MS4A1: variants seen among roughly 807,000 people sequenced by gnomAD.
MS4A1 encodes membrane spanning 4-domains A1.
A neutral mutation model predicts 26.5 loss-of-function variants in MS4A1; 16 were observed. The ratio of observed to expected loss-of-function variants is 0.60; its 90% CI spans 0.41 to 0.92. MS4A1 has a LOEUF of 0.92. Ranked by LOEUF, MS4A1 falls within the 40% of genes least tolerant of loss-of-function variation. MS4A1 has a pLI of 0.00. For missense variants in MS4A1, 350 were observed against 353.0 expected (o/e 0.99, Z 0.07); for synonymous variants, 128 against 117.6 (o/e 1.09, Z -0.57).
At position 60,468,241 on chromosome 11, in the gene MS4A1, C is replaced by A. The variant is rs752203439; in HGVS notation, c.676-9C>A. 6.3e-7 allele frequency: 1 copy of A among 1,597,266 alleles called. No individual in the cohort carries two copies. Among genetic ancestry groups the A allele is most frequent in the Non-Finnish European group, 8.6e-7 (1 of 1,166,902 alleles). On this transcript the variant is annotated splice_polypyrimidine_tract_variant and intron_variant, in intron 7 of 7. Coordinates refer to ENST00000345732, the MANE Select transcript of MS4A1 (RefSeq NM_152866.3). ...AGTAAAGAATGGTTTGTTTAATTTT[C>A]TGTTTTAGAACATAGTTCTCCTGTC...
At chr11:60,464,024 G>A (rs922470855) in intron 4 of MS4A1, 1 of 537,462 alleles carries the variant, frequency 1.9e-6, no homozygotes, top group Non-Finnish European at 3.3e-6. Flanking sequence ...CTGTCTCTTT[G>A]GTCTTACTAT....
Position 60,468,301 on chromosome 11 carries a change from A to G in MS4A1, c.727A>G (p.Lys243Glu). 6.2e-7 allele frequency: 1 copy of G among 1,613,936 alleles called. No individual in the cohort carries two copies. The highest frequency in any genetic ancestry group is 8.5e-7 in the Non-Finnish European group (1 of 1,179,910). Residue 243 changes from lysine to glutamate, a missense_variant, in exon 8 of 8, where the codon AAA becomes GAA. Physicochemically the swap from Lys to Glu is moderately conservative, Grantham distance 56. Coordinates refer to ENST00000345732, the MANE Select transcript of MS4A1 (RefSeq NM_152866.3). ...AAAAAAAGAACAGACTATTGAAATA[A>G]AAGAAGAAGTGGTTGGGCTAACTGA... is the stretch of plus-strand genomic sequence containing the variant. ...EEKKEQTIEI[K>E]EEVVGLTETS...
intron 7 of MS4A1, among the ~76,000 whole-genome samples, 153 bp from the exon 8 acceptor site, chr11:60,468,097 G>C (rs1257502342): frequency 1.3e-5 from 2 of 152,018 alleles, no homozygotes; most frequent in Non-Finnish European, 2.9e-5. Flanking sequence ...AAGGATATAA[G>C]CACCTGCAAA....
intron 3 of MS4A1, 45 bp from the exon 4 acceptor site, chr11:60,462,957 G>C: frequency 6.2e-7 from 1 of 1,610,466 alleles, no homozygotes; most frequent in Non-Finnish European, 8.5e-7. Context: ...CCTGCTAGCA[G>C]TGATGATTTC....
intron 1 of MS4A1, among the ~76,000 whole-genome samples, chr11:60,459,586 A>C (rs2086231556): frequency 6.6e-6 from 1 of 152,206 alleles, no homozygotes; most frequent in African/African-American, 2.4e-5. Flanking sequence ...TAGCTCTAGA[A>C]ATCCTACCTA....
intron 7 of MS4A1, among the ~76,000 whole-genome samples, chr11:60,467,522 C>T (rs375738630): frequency 7.9e-4 from 120 of 152,112 alleles, no homozygotes; most frequent in African/African-American, 2.7e-3. Context: ...GTGATCCTCC[C>T]ACCTCAGCCT....
At chr11:60,465,490 TC>T (rs1346360999) in intron 5 of MS4A1, among the ~76,000 whole-genome samples, 1 of 152,212 alleles carries the variant, frequency 6.6e-6, no homozygotes, top group Non-Finnish European at 1.5e-5. Flanking sequence ...CATAATACCA[TC>T]CCACTAAAGT....
At chr11:60,463,275 T>C (rs1023775636) in intron 4 of MS4A1, among the ~76,000 whole-genome samples, 154 bp downstream of exon 4, 7 of 152,198 alleles carry the variant, frequency 4.6e-5, no homozygotes, top group African/African-American at 1.2e-4. Flanking sequence ...GTTGACCAAA[T>C]TGAGTATAAA....
Position 60,462,208 on chromosome 11 carries a change from A to T in MS4A1, c.-167A>T. The T allele has an allele frequency of 1.3e-6, 1 of 772,250 alleles. No individual in the cohort carries two copies. Among genetic ancestry groups the T allele is most frequent in the Non-Finnish European group, 2.2e-6 (1 of 451,246 alleles). The allele number at this position is 772,250 out of a possible 1,614,324, so 47.8% of individuals were successfully genotyped here. A position where few individuals can be genotyped will look rare whatever the true frequency, so the allele number is the denominator to read the frequency against. ...AGAACTCAGCAGTAGGCCTTGCCTCAGATCCAAGGTCACTCGGAAGAGGCC... is the reference window on the plus strand; with the variant it reads ...AGAACTCAGCAGTAGGCCTTGCCTCTGATCCAAGGTCACTCGGAAGAGGCC... On this transcript the variant is annotated 5_prime_UTR_variant, in exon 3 of 8. Transcript: ENST00000345732.
intron 3 of MS4A1, among the ~76,000 whole-genome samples, chr11:60,462,776 T>C (rs2135197773): frequency 6.6e-6 from 1 of 152,290 alleles, no homozygotes; most frequent in African/African-American, 2.4e-5. Flanking sequence ...GGGTCCCCCA[T>C]CCCAGTCCAT....
rs1047893064 is a variant in MS4A1, at chr11:60,462,259, G to A, written c.-116G>A. ...ATGTCTACCCTCAATGACACTCATG[G>A]AGGAAATGCTGAGAGAAGCATTCAG... On this transcript the variant is annotated 5_prime_UTR_variant, in exon 3 of 8. Coordinates refer to ENST00000345732, the MANE Select transcript of MS4A1 (RefSeq NM_152866.3). The A allele has an allele frequency of 3.5e-6, 4 of 1,128,140 alleles. No individual in the cohort carries two copies. In the African/African-American group the frequency reaches 6.1e-5, roughly 17 times the overall value. 69.9% of individuals were successfully genotyped at this position (1,128,140 alleles called of 1,614,324 possible).
At chr11:60,465,760 A>G (rs2135201338) in intron 5 of MS4A1, 161 bp from the exon 6 acceptor site, 1 of 638,356 alleles carries the variant, frequency 1.6e-6, no homozygotes, top group East Asian at 2.7e-5. Flanking sequence ...ACATGATTTT[A>G]TTTTATAGTG....
chr11:60,464,714 G>A (rs555060046), intron 5 of MS4A1, among the ~76,000 whole-genome samples: 4 of 152,182 alleles, frequency 2.6e-5, no homozygotes, highest in South Asian at 4.1e-4. Context: ...TTTTTTGGCC[G>A]TAACATTGAA....
intron 4 of MS4A1, chr11:60,464,015 T>C: frequency 1.9e-6 from 1 of 525,798 alleles, no homozygotes; most frequent in East Asian, 3.3e-5. Context: ...ATTTGAGTTC[T>C]GTCTCTTTGG....
At chr11:60,459,831 G>A (rs1316788652) in intron 1 of MS4A1, among the ~76,000 whole-genome samples, 5 of 152,178 alleles carry the variant, frequency 3.3e-5, no homozygotes, top group Non-Finnish European at 7.3e-5. Context: ...CATTCACATA[G>A]TGCATATATT....
chr11:60,468,307 G>A lies in MS4A1; in HGVS notation c.733G>A (p.Glu245Lys), dbSNP rs780339737. The stretch of plus-strand genomic sequence containing the variant: ...AGAACAGACTATTGAAATAAAAGAA[G>A]AAGTGGTTGGGCTAACTGAAACATC... ...KKEQTIEIKEEVVGLTETSSQ... is the reference protein window; with the variant it reads ...KKEQTIEIKEKVVGLTETSSQ... The change falls in exon 8 of 8, where the codon GAA (glutamate) becomes AAA (lysine). Residue 245 changes from glutamate (E) to lysine (K), a missense_variant. Transcript: ENST00000345732. 8 of 1,613,796 alleles carry A rather than the reference G, an allele frequency of 5.0e-6. No homozygotes were observed. The African/African-American group carries it at 8.0e-5, about 16-fold the overall frequency.
intron 4 of MS4A1, among the ~76,000 whole-genome samples, chr11:60,463,537 T>C (rs953074292): frequency 6.6e-6 from 1 of 152,246 alleles, no homozygotes; most frequent in Admixed American, 6.5e-5. Flanking sequence ...ACCTGTCCCA[T>C]CACAAGTCAG....
At position 60,462,473 on chromosome 11, in the gene MS4A1, G is replaced by A. The variant is rs201675666; in HGVS notation, c.99G>A (p.Arg33=). ...MQSGPKPLFR[R]MSSLVGPTQS... ...CTGGTCCAAAACCACTCTTCAGGAG[G>A]ATGTCTTCACTGGTGGGCCCCACGC... Residue 33 remains arginine, a synonymous_variant, in exon 3 of 8, where the codon AGG becomes AGA. Coordinates refer to ENST00000345732, the MANE Select transcript of MS4A1 (RefSeq NM_152866.3). The A allele has an allele frequency of 7.4e-6, 12 of 1,614,224 alleles. 1 individual carries two copies. In the Middle Eastern group the frequency reaches 6.6e-4, roughly 89 times the overall value.
intron 1 of MS4A1, among the ~76,000 whole-genome samples, chr11:60,456,514 A>G (rs1264793393): frequency 6.6e-6 from 1 of 152,128 alleles, no homozygotes; most frequent in Admixed American, 6.5e-5. Context: ...ACAGGCTAAC[A>G]TTTTCTGGAG....
Sources: allele counts gnomAD v4.1 joint callset (sites outside exome capture counted in the v4.1 genomes callset), GRCh38; gene constraint gnomAD v4.1.1; transcripts MANE v1.5; gene names NCBI Gene and HGNC (gene_info 2026-07-23, HGNC 2026-07-21).